Variants in ABHD12 observed in about 807,000 individuals in gnomAD.
ABHD12 encodes abhydrolase domain containing 12, lysophospholipase, also known as lysophosphatidylserine lipase ABHD12.
ABHD12 carries 43 observed loss-of-function variants against 58.3 expected under a neutral mutation model. The observed-to-expected ratio is 0.74, with a 90% CI of 0.58 to 0.95. The LOEUF (loss-of-function observed/expected upper bound fraction) is 0.95, where lower values mean the gene tolerates loss of function less well. Among genes scored for constraint, ABHD12 ranks in the 40% least tolerant of loss-of-function variants. The probability of loss-of-function intolerance (pLI) is 0.00; values close to 1 mark genes in which losing one functional copy is unlikely to be tolerated. For missense variants in ABHD12, 539 were observed against 537.2 expected, an observed-to-expected ratio of 1.00 and a Z score of -0.03; for synonymous variants, 219 against 211.2, an observed-to-expected ratio of 1.04 and a Z score of -0.32.
chr20:25,339,975 T>C (rs2089434129), intron 1 of ABHD12, among the ~76,000 whole-genome samples: 1 of 152,248 alleles, frequency 6.6e-6, no homozygotes, highest in African/African-American at 2.4e-5. Flanking sequence ...CATGACCCTC[T>C]TCTAATTCCT....
At chr20:25,368,431 G>GA in intron 1 of ABHD12, 3 of 1,598,912 alleles carry the variant, frequency 1.9e-6, no homozygotes, top group Non-Finnish European at 2.6e-6. Context: ...CAGTGCAGAT[G>GA]AAAAACTGGG....
chr20:25,349,040 C>T (rs1168598088), intron 1 of ABHD12, among the ~76,000 whole-genome samples: 4 of 149,072 alleles, frequency 2.7e-5, no homozygotes, highest in African/African-American at 7.4e-5. Flanking sequence ...GCCGAGATCG[C>T]GCCACTGCAC....
intron 11 of ABHD12, 78 bp downstream of exon 11, chr20:25,303,472 C>T (rs776925269): frequency 7.6e-6 from 12 of 1,584,736 alleles, no homozygotes; most frequent in Non-Finnish European, 1.7e-6. Flanking sequence ...TCCCGCCTGC[C>T]CACTCCCAGC....
intron 6 of ABHD12, among the ~76,000 whole-genome samples, chr20:25,313,982 T>C (rs564412777): frequency 6.6e-6 from 1 of 151,770 alleles, no homozygotes; most frequent in South Asian, 2.1e-4. Context: ...AACAGTTCTT[T>C]TTTTTTTTTG....
intron 11 of ABHD12, chr20:25,303,139 G>A (rs991937463): frequency 1.4e-5 from 12 of 863,950 alleles, no homozygotes; most frequent in Non-Finnish European, 1.6e-5. Context: ...TGTGACCCCT[G>A]CAATGGGCTT....
chr20:25,306,709 C>A (rs1216511282), intron 10 of ABHD12, 124 bp downstream of exon 10: 9 of 715,468 alleles, frequency 1.3e-5, no homozygotes, highest in Non-Finnish European at 1.9e-5. Context: ...GACCTGTTTG[C>A]TAGAGAATGA....
intron 1 of ABHD12, among the ~76,000 whole-genome samples, chr20:25,349,083 CAAAAAAAAAA>C (rs61219186): frequency 1.6e-5 from 1 of 61,634 alleles, no homozygotes; most frequent in African/African-American, 5.1e-5. Flanking sequence ...GACTCCGTCT[CAAAAAAAAAA>C]AAAAAAGAAA....
chr20:25,339,480 T>C (rs1228990273), intron 1 of ABHD12, 129 bp from the exon 2 acceptor site: 1 of 1,455,310 alleles, frequency 6.9e-7, no homozygotes, highest in Non-Finnish European at 9.5e-7. Context: ...ATACTGCCAA[T>C]AATAAAAGTA....
At chr20:25,390,230 CG>C in intron 1 of ABHD12, 1 of 316,476 alleles carries the variant, frequency 3.2e-6, no homozygotes, top group Non-Finnish European at 5.7e-6. Flanking sequence ...GGGAAAGGGT[CG>C]GGGTGCAAGG....
At chr20:25,388,026 G>T (rs969153948) in intron 1 of ABHD12, among the ~76,000 whole-genome samples, 1 of 132,436 alleles carries the variant, frequency 7.6e-6, no homozygotes, top group African/African-American at 3.0e-5. Flanking sequence ...GCGACAAAGC[G>T]AGACTCCTTC....
intron 1 of ABHD12, 32 bp downstream of exon 1, chr20:25,390,481 C>CCCCCCCCCCCCCCCCCCCCCCCCCCCA: frequency 1.8e-5 from 1 of 54,862 alleles, no homozygotes; most frequent in South Asian, 4.3e-4. Flanking sequence ...GGACCGGCCC[C>CCCCCCCCCCCCCCCCCCCCCCCCCCCA]CCCCCCCCCC....
intron 2 of ABHD12, among the ~76,000 whole-genome samples, chr20:25,332,494 A>G (rs1275225820): frequency 1.3e-5 from 2 of 151,658 alleles, no homozygotes; most frequent in African/African-American, 2.4e-5. Context: ...CCAAATCAAC[A>G]GAATATACAT....
At chr20:25,362,067 G>T (rs2089756933) in intron 1 of ABHD12, among the ~76,000 whole-genome samples, 1 of 151,506 alleles carries the variant, frequency 6.6e-6, no homozygotes, top group Admixed American at 6.6e-5. Flanking sequence ...ATGAGGTCAG[G>T]ATTTTGAGAC....
At chr20:25,335,178 T>C (rs570608990) in intron 2 of ABHD12, among the ~76,000 whole-genome samples, 22 of 152,226 alleles carry the variant, frequency 1.4e-4, no homozygotes, top group Non-Finnish European at 2.6e-4. Context: ...AAGAAGACAG[T>C]TATGTAGCCA....
At chr20:25,384,326 G>C (rs1242146851) in intron 1 of ABHD12, among the ~76,000 whole-genome samples, 1 of 149,698 alleles carries the variant, frequency 6.7e-6, no homozygotes, top group Non-Finnish European at 1.5e-5. Context: ...AAAAAAACTG[G>C]TTTGGGGTTT....
intron 1 of ABHD12, among the ~76,000 whole-genome samples, chr20:25,354,693 C>G (rs1019578237): frequency 3.9e-5 from 6 of 152,002 alleles, no homozygotes; most frequent in African/African-American, 1.4e-4. Flanking sequence ...CAAAAGAAAT[C>G]TGACAAGCCA....
At chr20:25,334,401 T>A (rs1430133504) in intron 2 of ABHD12, among the ~76,000 whole-genome samples, 1 of 150,394 alleles carries the variant, frequency 6.6e-6, no homozygotes. Flanking sequence ...ACAGATTCAA[T>A]GCCATCCCCA....
At chr20:25,379,994 G>A (rs1345462076) in intron 1 of ABHD12, among the ~76,000 whole-genome samples, 2 of 152,100 alleles carry the variant, frequency 1.3e-5, no homozygotes, top group Non-Finnish European at 2.9e-5. Context: ...GGCATGGCAG[G>A]AGTACAGGTG....
Position 25,307,409 on chromosome 20 carries a change from G to A in ABHD12, c.868-494C>T, listed in dbSNP as rs115720252. 5.3e-3 allele frequency among the ~76,000 whole-genome samples: 802 copies of A among 152,396 alleles called. 8 individuals are homozygous for A. Among genetic ancestry groups the A allele is most frequent in the African/African-American group, 0.019 (779 of 41,606 alleles). ...ACAGGCCCGAGAATCCATGGCCAGT[G>A]GGGAGCACAGGGATCACAAACCAGA... On this transcript the variant is annotated intron_variant, in intron 9 of 12. Coordinates refer to ENST00000339157, the MANE Select transcript of ABHD12 (RefSeq NM_001042472.3).
Sources: gnomAD v4.1 joint callset for allele counts (sites outside exome capture counted in the v4.1 genomes callset) on GRCh38, gnomAD v4.1.1 for gene constraint, MANE v1.5 for transcripts, NCBI Gene and HGNC (gene_info 2026-07-23, HGNC 2026-07-21) for gene names.